The following CALN1 variants were observed in gnomAD, a reference collection of about 807,000 sequenced individuals.
The protein encoded by CALN1 is calcium-binding protein 8.
CALN1 carries 17 observed loss-of-function variants against 30.6 expected under a neutral mutation model. The observed-to-expected ratio is 0.56, with a 90% confidence interval of 0.38 to 0.83. CALN1 has a LOEUF of 0.83. Ranked by LOEUF, CALN1 falls within the 40% of genes least tolerant of loss-of-function variation. The pLI, the probability that CALN1 is intolerant of heterozygous loss-of-function variation, is 0.00. For missense variants in CALN1, 291 were observed against 354.9 expected (o/e 0.82, Z 1.45); for synonymous variants, 156 against 131.4 (o/e 1.19, Z -1.28).
intron 2 of CALN1, among the ~76,000 whole-genome samples, chr7:72,285,042 C>CA (rs1397009102): frequency 1.3e-5 from 2 of 152,032 alleles, no homozygotes; most frequent in Non-Finnish European, 2.9e-5. Context: ...CAGTGCTACT[C>CA]AAAGTGTGGT....
At chr7:71,795,685 A>G (rs1351945813) in intron 6 of CALN1, among the ~76,000 whole-genome samples, 2 of 152,166 alleles carry the variant, frequency 1.3e-5, no homozygotes, top group East Asian at 1.9e-4. Context: ...TCTGTCTCTA[A>G]GGATTTGCCT....
chr7:72,150,654 T>C (rs947784450), intron 3 of CALN1, among the ~76,000 whole-genome samples: 3 of 152,090 alleles, frequency 2.0e-5, no homozygotes, highest in Admixed American at 2.0e-4. Flanking sequence ...AGAGAGAACG[T>C]GAGAGGGGCT....
intron 5 of CALN1, among the ~76,000 whole-genome samples, chr7:71,985,545 A>G (rs1409222386): frequency 6.6e-6 from 1 of 151,738 alleles, no homozygotes; most frequent in African/African-American, 2.4e-5. Flanking sequence ...ATTCCCAATA[A>G]CACAGTCCTA....
chr7:72,233,279 A>G (rs992608406), intron 3 of CALN1, among the ~76,000 whole-genome samples: 15 of 151,646 alleles, frequency 9.9e-5, no homozygotes, highest in African/African-American at 3.6e-4. Context: ...TGGAAGGAGG[A>G]AAAAAAGCAA....
chr7:72,475,560 A>G, the CALN1 span, among the ~76,000 whole-genome samples: 100 of 152,354 alleles, frequency 6.6e-4, no homozygotes, highest in Middle Eastern at 3.4e-3. Flanking sequence ...TTTCTGATGC[A>G]TAGCTTTAAT....
intron 2 of CALN1, among the ~76,000 whole-genome samples, chr7:72,385,872 A>G (rs557005726): frequency 4.8e-4 from 73 of 152,324 alleles, no homozygotes; most frequent in African/African-American, 1.7e-3. Flanking sequence ...TGACCATGCA[A>G]AACTGTGAGT....
rs771199197 is a variant in CALN1, at chr7:72,278,723, G to A, written c.207C>T (p.Ser69=). The A allele has an allele frequency of 1.1e-5, 17 of 1,613,910 alleles. No homozygotes were observed. The highest frequency in any genetic ancestry group is 4.5e-5 in the East Asian group (2 of 44,866). ...CCACGGAGATATTAGCCAGCTGTTC[G>A]CTGTCACTGCCAGCAGAGAGCGATC... The part of the protein sequence containing the change: ...LNRSLSAGSD[S]EQLANISVEE... The change falls in exon 3 of 7, where the codon AGC becomes AGT. Residue 69 remains serine, a synonymous_variant. Coordinates refer to ENST00000395275, the MANE Select transcript of CALN1 (RefSeq NM_031468.4).
intron 3 of CALN1, among the ~76,000 whole-genome samples, chr7:72,179,935 T>C (rs1333457184): frequency 6.6e-6 from 1 of 152,216 alleles, no homozygotes; most frequent in African/African-American, 2.4e-5. Context: ...AAATATCTCA[T>C]CTGATAGTCA....
chr7:72,211,544 T>C (rs1368523058), intron 3 of CALN1, among the ~76,000 whole-genome samples: 1 of 152,156 alleles, frequency 6.6e-6, no homozygotes, highest in Non-Finnish European at 1.5e-5. Context: ...TGCAAAATGA[T>C]GATGATCCAA....
At position 71,976,996 on chromosome 7, in the gene CALN1, T is replaced by G. The variant is rs539135136; in HGVS notation, c.501+46661A>C. On this transcript the variant is annotated intron_variant, in intron 5 of 6. Coordinates refer to ENST00000395275, the MANE Select transcript of CALN1 (RefSeq NM_031468.4). ...CCTAATCTCAAAATCCACCCGAACCTTTTCTAATAAAAATACTGCCTTGAA... is the reference window on the plus strand; with the variant it reads ...CCTAATCTCAAAATCCACCCGAACCGTTTCTAATAAAAATACTGCCTTGAA... Among the ~76,000 whole-genome samples, 8 of 152,290 alleles carry G rather than the reference T, an allele frequency of 5.3e-5. No homozygotes were observed. The South Asian group carries it at 1.7e-3, about 32-fold the overall frequency.
intron 3 of CALN1, among the ~76,000 whole-genome samples, chr7:72,130,536 T>A (rs1335221605): frequency 1.3e-5 from 2 of 152,126 alleles, no homozygotes; most frequent in African/African-American, 2.4e-5. Flanking sequence ...GTTTTTGCCA[T>A]TAAAAGTATG....
At chr7:71,859,472 C>CA (rs1052932946) in intron 5 of CALN1, among the ~76,000 whole-genome samples, 1 of 152,184 alleles carries the variant, frequency 6.6e-6, no homozygotes, top group Non-Finnish European at 1.5e-5. Context: ...TTGTTCCCGT[C>CA]AGAGGCCTCT....
At chr7:71,923,610 A>G (rs1014622776) in intron 5 of CALN1, among the ~76,000 whole-genome samples, 1 of 152,120 alleles carries the variant, frequency 6.6e-6, no homozygotes, top group Non-Finnish European at 1.5e-5. Context: ...TTAAATAAAG[A>G]GCTAGTTTAT....
intron 3 of CALN1, among the ~76,000 whole-genome samples, chr7:72,250,568 T>C (rs1795482888): frequency 6.6e-6 from 1 of 152,160 alleles, no homozygotes. Context: ...ATCCCTGGTG[T>C]TGGAGGTGGG....
chr7:71,931,182 G>A (rs1390671091), intron 5 of CALN1, among the ~76,000 whole-genome samples: 1 of 152,038 alleles, frequency 6.6e-6, no homozygotes, highest in African/African-American at 2.4e-5. Context: ...TTTTTTAGAG[G>A]GGATAACATT....
chr7:71,849,209 T>C, intron 5 of CALN1, among the ~76,000 whole-genome samples: 1 of 152,194 alleles, frequency 6.6e-6, no homozygotes, highest in Middle Eastern at 3.2e-3. Flanking sequence ...TTTTTACATC[T>C]CCAATAGATA....
At position 71,810,375 on chromosome 7, in the gene CALN1, T is replaced by C; in HGVS notation, c.619A>G (p.Asn207Asp). The C allele has an allele frequency of 6.2e-7, 1 of 1,614,128 alleles. No homozygotes were observed. The highest frequency in any genetic ancestry group is 8.5e-7 in the Non-Finnish European group (1 of 1,180,018). Residue 207 changes from asparagine (N) to aspartate (D), a missense_variant, in exon 6 of 7, where the codon AAT becomes GAT. Transcript: ENST00000395275. ...NIIINEEESL[N>D]ETSGNCQTEF... ...GTTTGGCAGTTCCCCGAGGTCTCAT[T>C]CAGGCTCTCTTCCTCATTGATAATG...
At chr7:71,791,747 C>T (rs187297843) in intron 6 of CALN1, among the ~76,000 whole-genome samples, 10 of 152,260 alleles carry the variant, frequency 6.6e-5, no homozygotes, top group African/African-American at 1.9e-4. Flanking sequence ...CGGTGGCTCA[C>T]GCCTGTAATC....
chr7:72,257,707 A>G (rs1796006252), intron 3 of CALN1, among the ~76,000 whole-genome samples: 1 of 152,158 alleles, frequency 6.6e-6, no homozygotes, highest in African/African-American at 2.4e-5. Context: ...TGTGGAACCG[A>G]CCTCAATGCC....
Sources: gnomAD v4.1 joint callset for allele counts (sites outside exome capture counted in the v4.1 genomes callset) on GRCh38, gnomAD v4.1.1 for gene constraint, MANE v1.5 for transcripts, NCBI Gene and HGNC (gene_info 2026-07-23, HGNC 2026-07-21) for gene names.